RREB1: variants seen among roughly 807,000 people sequenced by gnomAD.
RREB1 encodes ras-responsive element-binding protein 1.
In RREB1, 27 loss-of-function variants were observed where a neutral mutation model predicts 117.8. That is an observed-to-expected ratio of 0.23 (90% CI 0.17 to 0.32). RREB1 has a LOEUF of 0.32. Ranked by LOEUF, RREB1 falls within the 10% of genes least tolerant of loss-of-function variation. The pLI is 1.00. For missense variants in RREB1, 2,577 were observed against 2,378.2 expected, an observed-to-expected ratio of 1.08 and a Z score of -1.74; for synonymous variants, 1,298 against 1,026.7, an observed-to-expected ratio of 1.26 and a Z score of -5.05.
At chr6:7,217,103 C>T (rs965507265) in intron 8 of RREB1, 10 of 152,272 alleles carry the variant, frequency 6.6e-5, no homozygotes, top group Non-Finnish European at 1.0e-4. Flanking sequence ...CACTGTTGCT[C>T]GCAGCAACTG....
chr6:7,181,954 T>C lies in RREB1; in HGVS notation c.43T>C (p.Ser15Pro), dbSNP rs774637825. ...CGCTGGCTTGGAAGGTTCAGACCTA[T>C]CTTCCATCAACACCATGATGTCGGC... ...SPAGLEGSDL[S>P]SINTMMSAVM... The change falls in exon 4 of 13, where the codon TCT (serine) becomes CCT (proline). Residue 15 changes from serine (S) to proline (P), a missense_variant. Ser to Pro is a moderately conservative substitution (Grantham distance 74, BLOSUM62 -1). Coordinates refer to ENST00000379938, the MANE Select transcript of RREB1 (RefSeq NM_001003699.4). The C allele has an allele frequency of 6.2e-7, 1 of 1,614,236 alleles. No individual in the cohort carries two copies. Among genetic ancestry groups the C allele is most frequent in the Admixed American group, 1.7e-5 (1 of 60,030 alleles).
intron 1 of RREB1, among the ~76,000 whole-genome samples, chr6:7,110,924 T>C (rs1761111113): frequency 6.6e-6 from 1 of 152,266 alleles, no homozygotes; most frequent in Admixed American, 6.5e-5. Flanking sequence ...TAAGCCCTTA[T>C]GGCAGACAAG....
chr6:7,165,711 C>T (rs1251977970), intron 1 of RREB1, among the ~76,000 whole-genome samples: 2 of 152,110 alleles, frequency 1.3e-5, no homozygotes, highest in Admixed American at 6.5e-5. Flanking sequence ...GCAGGCAGGG[C>T]GGCTGTGCTT....
At chr6:7,123,940 A>G (rs1307296893) in intron 1 of RREB1, among the ~76,000 whole-genome samples, 1 of 152,110 alleles carries the variant, frequency 6.6e-6, no homozygotes, top group Non-Finnish European at 1.5e-5. Context: ...GGTATCTGTG[A>G]TATGTCCCTT....
At chr6:7,150,573 C>T (rs1561746442) in intron 1 of RREB1, among the ~76,000 whole-genome samples, 1 of 152,210 alleles carries the variant, frequency 6.6e-6, no homozygotes, top group African/African-American at 2.4e-5. Flanking sequence ...GTCATACTGT[C>T]AGGCAAGGGA....
At chr6:7,111,901 A>G (rs1050351128) in intron 1 of RREB1, among the ~76,000 whole-genome samples, 10 of 152,208 alleles carry the variant, frequency 6.6e-5, no homozygotes, top group African/African-American at 2.4e-4. Context: ...CATAATCCAT[A>G]AAGTTATGTC....
Position 7,229,642 on chromosome 6 carries a change from C to G in RREB1, c.1543C>G (p.Pro515Ala). 1 of 1,612,922 alleles carries G rather than the reference C, an allele frequency of 6.2e-7. No homozygotes were observed. The highest frequency in any genetic ancestry group is 8.5e-7 in the Non-Finnish European group (1 of 1,179,716). ...PPLKPKPLVT[P>A]RTVVATSTPP... is the part of the protein sequence containing the mutation. The stretch of plus-strand genomic sequence containing the variant: ...TCTGAAGCCAAAGCCCCTGGTCACA[C>G]CACGGACGGTGGTGGCCACCTCCAC... The change falls in exon 10 of 13, where the codon CCA becomes GCA. Residue 515 changes from proline (P) to alanine (A), a missense_variant. Coordinates refer to ENST00000379938, the MANE Select transcript of RREB1 (RefSeq NM_001003699.4). This position sits in a 1 kb window ranked among gnomAD's most constrained non-coding sequence, Gnocchi z 4.5.
chr6:7,223,176 G>A (rs1767365175), intron 8 of RREB1, among the ~76,000 whole-genome samples: 1 of 150,676 alleles, frequency 6.6e-6, no homozygotes, highest in African/African-American at 2.5e-5. Context: ...AGGATCACTT[G>A]CGCCCAGGAG....
chr6:7,229,383 C>T lies in RREB1; in HGVS notation c.1284C>T (p.Pro428=), dbSNP rs1039941599. The change falls in exon 10 of 13, where the codon CCC becomes CCT. Residue 428 remains proline, a synonymous_variant. Coordinates refer to ENST00000379938, the MANE Select transcript of RREB1 (RefSeq NM_001003699.4). The surrounding 1 kb of genome is among the most constrained non-coding windows in gnomAD (Gnocchi z 4.5). The part of the protein sequence containing the change: ...ASLGGSLTVL[P]ATKDSIKHLS... Reference sequence around the variant, plus strand: ...TAGGCGGTTCTCTCACAGTTCTCCCCGCGACCAAGGACAGCATAAAGCACC... The same window carrying T: ...TAGGCGGTTCTCTCACAGTTCTCCCTGCGACCAAGGACAGCATAAAGCACC... The T allele has an allele frequency of 1.3e-5, 21 of 1,614,016 alleles. No homozygotes were observed. The highest frequency in any genetic ancestry group is 2.2e-5 in the East Asian group (1 of 44,894).
intron 11 of RREB1, among the ~76,000 whole-genome samples, chr6:7,244,580 G>T (rs1261836641): frequency 6.6e-6 from 1 of 152,110 alleles, no homozygotes; most frequent in Middle Eastern, 3.2e-3. Context: ...CATATCCCAG[G>T]ACTCATATTC....
chr6:7,181,801 C>A, intron 3 of RREB1, 69 bp from the exon 4 acceptor site: 1 of 1,104,604 alleles, frequency 9.1e-7, no homozygotes, highest in Middle Eastern at 2.0e-4. Context: ...GTAGCCATGG[C>A]CAGCGCCCCC....
chr6:7,175,441 G>A (rs1319802193), intron 1 of RREB1, among the ~76,000 whole-genome samples: 1 of 152,168 alleles, frequency 6.6e-6, no homozygotes, highest in Non-Finnish European at 1.5e-5. Context: ...CGTCCCTGTG[G>A]GTTAGTCCTG....
intron 8 of RREB1, among the ~76,000 whole-genome samples, chr6:7,225,783 G>A (rs1767549217): frequency 6.6e-6 from 1 of 152,050 alleles, no homozygotes; most frequent in Non-Finnish European, 1.5e-5. Flanking sequence ...ACATCGCTTC[G>A]TATTTTTGAT....
rs1356158576 is a variant in RREB1, at chr6:7,240,451, C to G, written c.3822C>G (p.Phe1274Leu). 2 of 1,613,450 alleles carry G rather than the reference C, an allele frequency of 1.2e-6. No homozygotes were observed. Among genetic ancestry groups the G allele is most frequent in the Non-Finnish European group, 1.7e-6 (2 of 1,179,662 alleles). ...HMLTHTGQKP[F>L]PCQKCDAFFS... ...TTCCTGCTTCAGGTCAGAAACCCTT[C>G]CCTTGTCAAAAATGCGATGCCTTCT... The change falls in exon 11 of 13, where the codon TTC becomes TTG. Residue 1274 changes from phenylalanine to leucine, a missense_variant. By Grantham distance (22) the Phe-to-Leu change is conservative. Coordinates refer to ENST00000379938, the MANE Select transcript of RREB1 (RefSeq NM_001003699.4).
At chr6:7,213,606 G>C (rs1766735847) in intron 8 of RREB1, 1 of 152,306 alleles carries the variant, frequency 6.6e-6, no homozygotes, top group African/African-American at 2.4e-5. Context: ...CCCAGGATGT[G>C]GGCTTGTGGT....
intron 1 of RREB1, among the ~76,000 whole-genome samples, chr6:7,172,017 C>T (rs533105466): frequency 4.6e-5 from 7 of 151,452 alleles, no homozygotes; most frequent in Non-Finnish European, 1.0e-4. Flanking sequence ...GTCATGCTAG[C>T]TCAGTGCAGC....
At chr6:7,140,437 A>C (rs928789588) in intron 1 of RREB1, among the ~76,000 whole-genome samples, 1 of 152,228 alleles carries the variant, frequency 6.6e-6, no homozygotes, top group African/African-American at 2.4e-5. Flanking sequence ...TGGAGTTAGC[A>C]CAGTAACTCG....
intron 1 of RREB1, among the ~76,000 whole-genome samples, chr6:7,132,359 T>C (rs1182032851): frequency 1.8e-5 from 2 of 111,584 alleles, no homozygotes; most frequent in African/African-American, 5.1e-5. Context: ...CCAGCCGAGA[T>C]TGGGTTTTAC....
At chr6:7,241,752 G>A (rs1266069580) in intron 11 of RREB1, among the ~76,000 whole-genome samples, 1 of 152,188 alleles carries the variant, frequency 6.6e-6, no homozygotes, top group Non-Finnish European at 1.5e-5. Flanking sequence ...CCAACTGTGA[G>A]TGCTCTTGAC....
Sources: gnomAD v4.1 joint callset for allele counts (sites outside exome capture counted in the v4.1 genomes callset) on GRCh38, gnomAD v4.1.1 for gene constraint, Gnocchi (gnomAD v3.1) non-coding constraint, MANE v1.5 for transcripts, NCBI Gene and HGNC (gene_info 2026-07-23, HGNC 2026-07-21) for gene names.